IGSF8: variants seen among roughly 807,000 people sequenced by gnomAD.
IGSF8 encodes CD81 partner 3.
In IGSF8, 46 loss-of-function variants were observed where a neutral mutation model predicts 55.5. The observed-to-expected ratio is 0.83, with a 90% confidence interval of 0.65 to 1.06. IGSF8 has a LOEUF of 1.06. Ranked by LOEUF, IGSF8 falls within the 50% of genes least tolerant of loss-of-function variation. The pLI, the probability that IGSF8 is intolerant of heterozygous loss-of-function variation, is 0.00. For missense variants in IGSF8, 731 were observed against 832.3 expected, an observed-to-expected ratio of 0.88 and a Z score of 1.50; for synonymous variants, 314 against 356.1, an observed-to-expected ratio of 0.88 and a Z score of 1.33.
chr1:160,098,496 G>A lies in IGSF8; in HGVS notation c.-24C>T. ...ATCCTGCGCGGCCAGCTCTGGGGAG[G>A]CTCCGGGGGATGGCGCGGGTTCTGG... On this transcript the variant is annotated 5_prime_UTR_variant, in exon 1 of 7. Coordinates refer to ENST00000314485, the MANE Select transcript of IGSF8 (RefSeq NM_052868.6). 6.6e-7 allele frequency: 1 copy of A among 1,518,912 alleles called. No homozygotes were observed. Among genetic ancestry groups the A allele is most frequent in the South Asian group, 1.2e-5 (1 of 82,644 alleles). The allele number at this position is 1,518,912 out of a possible 1,614,324, so 94.1% of individuals were successfully genotyped here.
chr1:160,091,736 G>T, intron 6 of IGSF8, 72 bp downstream of exon 6: 2 of 950,386 alleles, frequency 2.1e-6, no homozygotes. Context: ...GGCCTGGGAG[G>T]GAGCAGCTTG....
intron 1 of IGSF8, 124 bp downstream of exon 1, chr1:160,098,285 C>T (rs1650578372): frequency 1.4e-6 from 2 of 1,380,644 alleles, no homozygotes; most frequent in Admixed American, 2.7e-5. Context: ...TGGACGCCGA[C>T]CCCGGGGAGG....
Position 160,092,206 on chromosome 1 carries a change from G to A in IGSF8, c.1726+76C>T, listed in dbSNP as rs1650009254. 3.5e-6 allele frequency: 5 copies of A among 1,439,996 alleles called. No individual in the cohort carries two copies. The Admixed American group carries it at 8.5e-5, about 24-fold the overall frequency. The allele number at this position is 1,439,996 out of a possible 1,614,324, so 89.2% of individuals were successfully genotyped here. ...GAGAGAGATAGTAGCAGGAGGGTCA[G>A]AAGATGGGAAGGGAAGGCCAGTGGC... On this transcript the variant is annotated intron_variant, in intron 5 of 6. Transcript: ENST00000314485.
In IGSF8 at chr1:160,092,438, G is replaced by A; in HGVS notation, c.1570C>T (p.Pro524Ser). 6.2e-7 allele frequency: 1 copy of A among 1,610,724 alleles called. No individual in the cohort carries two copies. Among genetic ancestry groups the A allele is most frequent in the South Asian group, 1.1e-5 (1 of 90,886 alleles). Residue 524 changes from proline to serine, a missense_variant, in exon 5 of 7, where the codon CCC becomes TCC. Coordinates refer to ENST00000314485, the MANE Select transcript of IGSF8 (RefSeq NM_052868.6). ...GGPVSVELVGPRSHRLRLHSL... is the reference protein window; with the variant it reads ...GGPVSVELVGSRSHRLRLHSL... ...TGTAGTCTCAGCCGATGGCTTCGGG[G>A]CCCCACCAGCTCTACGCTGACAGGG...
At chr1:160,097,901 G>C in intron 1 of IGSF8, 1 of 985,404 alleles carries the variant, frequency 1.0e-6, no homozygotes, top group Non-Finnish European at 1.2e-6. Context: ...GTGAGAGAGG[G>C]AACTGCCCCC....
At chr1:160,098,133 G>A (rs1219510798) in intron 1 of IGSF8, among the ~76,000 whole-genome samples, 4 of 152,280 alleles carry the variant, frequency 2.6e-5, no homozygotes, top group Non-Finnish European at 4.4e-5. Context: ...TGCTAGCTGA[G>A]ATGTGTGGCC....
At position 160,097,701 on chromosome 1, in the gene IGSF8, T is replaced by C. The variant is rs1002256293; in HGVS notation, c.64+708A>G. 1.2e-4 allele frequency: 119 copies of C among 985,360 alleles called. No individual in the cohort carries two copies. The African/African-American group carries it at 2.0e-3, about 16-fold the overall frequency. The allele number at this position is 985,360 out of a possible 1,614,324, so 61.0% of individuals were successfully genotyped here. On this transcript the variant is annotated intron_variant, in intron 1 of 6. Transcript: ENST00000314485. ...AAGATTGGCCCAGAACACCCCACCA[T>C]GAACACCCACCACAGCAGGCACAAG...
intron 6 of IGSF8, 94 bp from the exon 7 acceptor site, chr1:160,091,702 G>C: frequency 2.7e-6 from 2 of 745,168 alleles, no homozygotes; most frequent in Non-Finnish European, 4.9e-6. Context: ...GTGGATCTGA[G>C]CTGCCTACTC....
chr1:160,091,748 T>C (rs1557983819), intron 6 of IGSF8, 60 bp downstream of exon 6: 7 of 1,082,156 alleles, frequency 6.5e-6, no homozygotes, highest in Non-Finnish European at 8.6e-6. Flanking sequence ...AGCAGCTTGG[T>C]TCAGGACTTG....
At chr1:160,096,611 T>G (rs112700654) in intron 1 of IGSF8, among the ~76,000 whole-genome samples, 3 of 152,324 alleles carry the variant, frequency 2.0e-5, no homozygotes, top group African/African-American at 7.2e-5. Context: ...TCCTTCATCC[T>G]CTGGCTGGGT....
At position 160,094,781 on chromosome 1, in the gene IGSF8, C is replaced by T; in HGVS notation, c.442+88G>A. 7.0e-7 allele frequency: 1 copy of T among 1,429,504 alleles called. No individual in the cohort carries two copies. Among genetic ancestry groups the T allele is most frequent in the Non-Finnish European group, 9.5e-7 (1 of 1,056,792 alleles). The allele number at this position is 1,429,504 out of a possible 1,614,324, so 88.6% of individuals were successfully genotyped here. On this transcript the variant is annotated intron_variant, in intron 2 of 6. Coordinates refer to ENST00000314485, the MANE Select transcript of IGSF8 (RefSeq NM_052868.6). The surrounding 1 kb of genome is among the most constrained non-coding windows in gnomAD (Gnocchi z 4.0). ...GGCCTCAAGTTCCTTGGCTACAAAA[C>T]CTAAGGGGCAACTAGATAGGTCACT...
rs146210515 is a variant in IGSF8, at chr1:160,092,816, G to A, written c.1312+108C>T. 53 of 1,484,274 alleles carry A rather than the reference G, an allele frequency of 3.6e-5. No individual in the cohort carries two copies. The East Asian group carries it at 4.1e-4, about 12-fold the overall frequency. 91.9% of individuals were successfully genotyped at this position (1,484,274 alleles called of 1,614,324 possible). On this transcript the variant is annotated intron_variant, in intron 4 of 6. Coordinates refer to ENST00000314485, the MANE Select transcript of IGSF8 (RefSeq NM_052868.6). Reference sequence around the variant, plus strand: ...CCCACAATCTTGGTAGAAGAGGAGCGTGAGGCTGTGGCCTGCAAACAGCTG... The same window carrying A: ...CCCACAATCTTGGTAGAAGAGGAGCATGAGGCTGTGGCCTGCAAACAGCTG...
At chr1:160,092,016 C>T (rs1207260990) in intron 5 of IGSF8, 78 bp from the exon 6 acceptor site, 1 of 1,070,982 alleles carries the variant, frequency 9.3e-7, no homozygotes, top group East Asian at 2.4e-5. Flanking sequence ...CTTTCCCCAT[C>T]AAGTTCTCTG....
rs1451184218 is a variant in IGSF8, at chr1:160,092,415, T to C, written c.1593A>G (p.Leu531=). 4 of 1,610,608 alleles carry C rather than the reference T, an allele frequency of 2.5e-6. No homozygotes were observed. The highest frequency in any genetic ancestry group is 3.4e-6 in the Non-Finnish European group (4 of 1,177,322). The part of the protein sequence containing the change: ...LVGPRSHRLR[L]HSLGPEDEGV... Reference sequence around the variant, plus strand: ...CTTCATCCTCGGGCCCCAAGCTGTGTAGTCTCAGCCGATGGCTTCGGGGCC... The same window carrying C: ...CTTCATCCTCGGGCCCCAAGCTGTGCAGTCTCAGCCGATGGCTTCGGGGCC... Residue 531 remains leucine (L), a synonymous_variant, in exon 5 of 7, where the codon CTA becomes CTG. Transcript: ENST00000314485.
Position 160,092,426 on chromosome 1 carries a change from G to A in IGSF8, c.1582C>T (p.Arg528Trp), listed in dbSNP as rs749014923. 8 of 1,610,244 alleles carry A rather than the reference G, an allele frequency of 5.0e-6. No individual in the cohort carries two copies. Among genetic ancestry groups the A allele is most frequent in the African/African-American group, 2.7e-5 (2 of 74,858 alleles). The change falls in exon 5 of 7, where the codon CGG (arginine) becomes TGG (tryptophan). Residue 528 changes from arginine (R) to tryptophan (W), a missense_variant. Transcript: ENST00000314485. Reference sequence around the variant, plus strand: ...GGCCCCAAGCTGTGTAGTCTCAGCCGATGGCTTCGGGGCCCCACCAGCTCT... The same window carrying A: ...GGCCCCAAGCTGTGTAGTCTCAGCCAATGGCTTCGGGGCCCCACCAGCTCT... ...SVELVGPRSHRLRLHSLGPED... is the reference protein window; with the variant it reads ...SVELVGPRSHWLRLHSLGPED...
rs777550072 is a variant in IGSF8, at chr1:160,095,031, G to A, written c.280C>T (p.Arg94Ter). The A allele has an allele frequency of 9.3e-6, 15 of 1,614,120 alleles. No individual in the cohort carries two copies. The highest frequency in any genetic ancestry group is 1.0e-5 in the Non-Finnish European group (12 of 1,180,024). Reference sequence around the variant, plus strand: ...ACCTGCACCTCACCCGCCACCACTCGGGACTTGAAGACAGCATAGGAGAAC... The same window carrying A: ...ACCTGCACCTCACCCGCCACCACTCAGGACTTGAAGACAGCATAGGAGAAC... ...TQFSYAVFKSRVVAGEVQVQR... is the reference protein window; with the variant it reads ...TQFSYAVFKS Residue 94 changes from arginine to a stop codon, truncating the protein, a stop_gained, in exon 2 of 7, where the codon CGA becomes TGA. Transcript: ENST00000314485. LOFTEE classifies it high-confidence loss of function.
rs371466207 is a variant in IGSF8 at position 160,093,100 on chromosome 1, A to C, written c.1136T>G (p.Ile379Ser). ...SLGPGYEGRH[I>S]AMEKVASRTY... ...TCTGGATGCCACCTTCTCCATGGCA[A>C]TGTGTCGGCCCTCATAGCCAGGGCC... Residue 379 changes from isoleucine to serine, a missense_variant, in exon 4 of 7, where the codon ATT becomes AGT. Ile to Ser is a moderately radical substitution (Grantham distance 142). Transcript: ENST00000314485. 1.2e-6 allele frequency: 2 copies of C among 1,614,008 alleles called. No homozygotes were observed. The highest frequency in any genetic ancestry group is 1.7e-6 in the Non-Finnish European group (2 of 1,179,898).
chr1:160,095,953 C>T (rs1377292624), intron 1 of IGSF8, among the ~76,000 whole-genome samples: 3 of 152,226 alleles, frequency 2.0e-5, no homozygotes, highest in African/African-American at 4.8e-5. Flanking sequence ...GCCAACCTTC[C>T]GGGCTAGCCC....
Position 160,092,453 on chromosome 1 carries a change from C to T in IGSF8, c.1555G>A (p.Val519Ile), listed in dbSNP as rs780189402. 8.1e-5 allele frequency: 130 copies of T among 1,612,766 alleles called. No individual in the cohort carries two copies. Among genetic ancestry groups the T allele is most frequent in the Non-Finnish European group, 9.8e-5 (115 of 1,179,342 alleles). The change falls in exon 5 of 7, where the codon GTA becomes ATA. Residue 519 changes from valine (V) to isoleucine (I), a missense_variant. Coordinates refer to ENST00000314485, the MANE Select transcript of IGSF8 (RefSeq NM_052868.6). ...GVRPGGGPVS[V>I]ELVGPRSHRL... is the part of the protein sequence containing the mutation. ...TGGCTTCGGGGCCCCACCAGCTCTA[C>T]GCTGACAGGGCCTCCTCCAGGCCGG...
Sources: allele counts gnomAD v4.1 joint callset (sites outside exome capture counted in the v4.1 genomes callset), GRCh38; gene constraint gnomAD v4.1.1; non-coding constraint Gnocchi (gnomAD v3.1); transcripts MANE v1.5; gene names NCBI Gene and HGNC (gene_info 2026-07-23, HGNC 2026-07-21).